The following RPGR variants were observed in gnomAD, a reference collection of about 807,000 sequenced individuals.
RPGR encodes the protein retinitis pigmentosa GTPase regulator.
Under a neutral mutation model 56.3 loss-of-function variants are expected in RPGR, and 10 were observed. The ratio of observed to expected loss-of-function variants is 0.18; its 90% CI spans 0.11 to 0.30. The LOEUF (loss-of-function observed/expected upper bound fraction) is 0.30, where lower values mean the gene tolerates loss of function less well. Among genes scored for constraint, RPGR ranks in the 10% least tolerant of loss-of-function variants. RPGR has a pLI of 1.00. For synonymous variants in RPGR, 197 were observed against 212.9 expected (o/e 0.93, Z 0.65); for missense variants, 538 against 590.9 (o/e 0.91, Z 0.93).
Position 38,299,017 on chromosome X carries a change from C to T in RPGR, c.1184G>A (p.Ser395Asn), listed in dbSNP as rs1189620890. Residue 395 changes from serine (S) to asparagine (N), a missense_variant, in exon 10 of 19, where the codon AGT (serine) becomes AAT (asparagine). Coordinates refer to ENST00000642395, the MANE Select transcript of RPGR (RefSeq NM_000328.3). ...CTGCAGTACATTTCCTGAGGTTAAA[C>T]TGCTATACGGCAGAAAAGTCGCCAC... The T allele has an allele frequency of 8.3e-7, 1 of 1,211,740 alleles. No individual in the cohort carries two copies. Among genetic ancestry groups the T allele is most frequent in the Non-Finnish European group, 1.1e-6 (1 of 895,483 alleles).
chrX:38,322,344 T>C (rs770636649), intron 3 of RPGR, among the ~76,000 whole-genome samples: 1 of 112,051 alleles, frequency 8.9e-6, no homozygotes, highest in Non-Finnish European at 1.9e-5. Context: ...TGATTTCAAA[T>C]ATTTTGTCCT....
intron 12 of RPGR, 118 bp from the exon 13 acceptor site, chrX:38,291,142 TATATAA>T (rs1433052795): frequency 1.1e-5 from 2 of 175,723 alleles, no homozygotes; most frequent in Non-Finnish European, 1.0e-5. Flanking sequence ...TATATATATA[TATATAA>T]AATGAAGGGA....
At chrX:38,312,217 G>T (rs1296475717) in intron 6 of RPGR, among the ~76,000 whole-genome samples, 1 of 111,634 alleles carries the variant, frequency 9.0e-6, no homozygotes, top group Non-Finnish European at 1.9e-5. Context: ...GAAGTATTTA[G>T]CAAACACTGG....
intron 18 of RPGR, chrX:38,272,677 T>G (rs1456666565): frequency 9.1e-6 from 1 of 109,974 alleles, no homozygotes; most frequent in Non-Finnish European, 1.9e-5. Flanking sequence ...CATAGAGAAA[T>G]GGCAGGTTAT....
chrX:38,313,374 G>A (rs1262542318), intron 6 of RPGR, among the ~76,000 whole-genome samples: 1 of 112,224 alleles, frequency 8.9e-6, no homozygotes. Flanking sequence ...TGCCTTGTTT[G>A]CATGTGGATT....
Position 38,298,970 on chromosome X carries a change from G to A in RPGR, c.1231C>T (p.Arg411Trp), listed in dbSNP as rs1267740350. ...CACAATTGTACCCTCTCTCTTCGCC[G>A]CATACGTGCTGATAGAGTCCTCTGC... Residue 411 changes from arginine to tryptophan, a missense_variant, in exon 10 of 19, where the codon CGG (arginine) becomes TGG (tryptophan). Coordinates refer to ENST00000642395, the MANE Select transcript of RPGR (RefSeq NM_000328.3). 2.5e-6 allele frequency: 3 copies of A among 1,210,974 alleles called. No homozygotes were observed. The highest frequency in any genetic ancestry group is 2.3e-4 in the Middle Eastern group (1 of 4,345).
chrX:38,281,952 T>G (rs1005733220), intron 15 of RPGR, among the ~76,000 whole-genome samples: 2 of 111,455 alleles, frequency 1.8e-5, no homozygotes, highest in Non-Finnish European at 3.8e-5. Context: ...CATTGCAGAT[T>G]TTTCTTTTGG....
chrX:38,285,469 A>G, intron 15 of RPGR: 1 of 1,206,732 alleles, frequency 8.3e-7, no homozygotes, highest in East Asian at 3.0e-5. Context: ...AATAACACGT[A>G]ATGAGTGCCC....
At chrX:38,303,135 G>A (rs1329694669) in intron 8 of RPGR, among the ~76,000 whole-genome samples, 2 of 110,918 alleles carry the variant, frequency 1.8e-5, no homozygotes, top group Admixed American at 9.6e-5. Flanking sequence ...TTACCCAAAT[G>A]TTTTTTAAGG....
chrX:38,287,255 G>A lies in RPGR; in HGVS notation c.1754-10C>T, dbSNP rs368767915. On this transcript the variant is annotated splice_polypyrimidine_tract_variant and intron_variant, in intron 14 of 18. Coordinates refer to ENST00000642395, the MANE Select transcript of RPGR (RefSeq NM_000328.3). ...TTCTCCTCTGGGATCTCTGACAAGC[G>A]ATCACATTTAAAATCATACTTTGCC... is the stretch of plus-strand genomic sequence containing the variant. 32 of 1,206,537 alleles carry A rather than the reference G, an allele frequency of 2.7e-5. No homozygotes were observed. The highest frequency in any genetic ancestry group is 4.6e-4 in the Middle Eastern group (2 of 4,354).
In RPGR at chrX:38,304,747, C is replaced by T. The variant is rs774989787; in HGVS notation, c.822G>A (p.Leu274=). 6 of 1,210,293 alleles carry T rather than the reference C, an allele frequency of 5.0e-6. No individual in the cohort carries two copies. The South Asian group carries it at 5.3e-5, about 11-fold the overall frequency. ...TTTCAAAAAGAAAAGTGCCAAGACC[C>T]AGCTGACCAAATTGTCCCAGCCCAA... The change falls in exon 8 of 19, where the codon CTG becomes CTA. Residue 274 remains leucine, a synonymous_variant. Coordinates refer to ENST00000642395, the MANE Select transcript of RPGR (RefSeq NM_000328.3).
intron 14 of RPGR, chrX:38,287,465 T>A: frequency 1.8e-6 from 1 of 554,759 alleles, no homozygotes; most frequent in Non-Finnish European, 3.1e-6. Context: ...GCACCTTCCA[T>A]GTAACTGTCT....
At position 38,269,422 on chromosome X, in the gene RPGR, G is replaced by A. The variant is rs2066788792; in HGVS notation, c.*204C>T. On this transcript the variant is annotated 3_prime_UTR_variant, in exon 19 of 19. Transcript: ENST00000642395. ...GGCCACAACACTTTAGGGAGAATTT[G>A]AGATACACATATTTTGAAATGACTT... The A allele has an allele frequency of 5.4e-6, 2 of 372,090 alleles. No homozygotes were observed. 30.7% of individuals were successfully genotyped at this position (372,090 alleles called of 1,213,427 possible).
At position 38,298,593 on chromosome X, in the gene RPGR, C is replaced by A. The variant is rs2067440757; in HGVS notation, c.1245+363G>T. ...GGTATATTTGTTGTATTTTTACTACCATAATAAAAAAAAGCATATAACAAA... is the reference window on the plus strand; with the variant it reads ...GGTATATTTGTTGTATTTTTACTACAATAATAAAAAAAAGCATATAACAAA... On this transcript the variant is annotated intron_variant, in intron 10 of 18. Coordinates refer to ENST00000642395, the MANE Select transcript of RPGR (RefSeq NM_000328.3). 1.7e-5 allele frequency: 4 copies of A among 229,043 alleles called. No homozygotes were observed. The South Asian group carries it at 2.1e-4, about 12-fold the overall frequency. 18.9% of individuals were successfully genotyped at this position (229,043 alleles called of 1,213,427 possible).
intron 7 of RPGR, chrX:38,308,168 A>T (rs968285140): frequency 1.1e-4 from 12 of 111,806 alleles, no homozygotes; most frequent in African/African-American, 3.9e-4. Flanking sequence ...ATGCAAGGAC[A>T]CTTCTTTCTT....
At chrX:38,322,611 C>T (rs1370670679) in intron 3 of RPGR, among the ~76,000 whole-genome samples, 3 of 111,876 alleles carry the variant, frequency 2.7e-5, no homozygotes, top group African/African-American at 9.7e-5. Flanking sequence ...TATTCAAATG[C>T]AATACTGTAA....
intron 11 of RPGR, among the ~76,000 whole-genome samples, chrX:38,294,251 G>A (rs1040006331): frequency 8.9e-6 from 1 of 111,785 alleles, no homozygotes; most frequent in Non-Finnish European, 1.9e-5. Context: ...TGAAAAAGCT[G>A]AGGAAGGCTT....
At chrX:38,324,570 T>G (rs1226161973) in intron 1 of RPGR, among the ~76,000 whole-genome samples, 1 of 108,737 alleles carries the variant, frequency 9.2e-6, no homozygotes, top group Non-Finnish European at 1.9e-5. Context: ...ATTCAAAGGT[T>G]GTTGTAAGGA....
Position 38,327,398 on chromosome X carries a change from G to A in RPGR, c.-31C>T. On this transcript the variant is annotated 5_prime_UTR_variant, in exon 1 of 19. Transcript: ENST00000642395. ...GGGCAGTACGGGCAGCCTGCGCCGG[G>A]GCCAGGAGGCTGTAGAGGACGGTTT... 1.7e-6 allele frequency: 2 copies of A among 1,166,939 alleles called. No individual in the cohort carries two copies. The highest frequency in any genetic ancestry group is 2.3e-6 in the Non-Finnish European group (2 of 872,304).
Sources: gnomAD v4.1 joint callset for allele counts (sites outside exome capture counted in the v4.1 genomes callset) on GRCh38, gnomAD v4.1.1 for gene constraint, MANE v1.5 for transcripts, NCBI Gene and HGNC (gene_info 2026-07-23, HGNC 2026-07-21) for gene names.